The following NRDE2 variants were observed in gnomAD, a reference collection of about 807,000 sequenced individuals.
NRDE2 encodes the protein nuclear exosome regulator NRDE2.
A neutral mutation model predicts 124.2 loss-of-function variants in NRDE2; 76 were observed. That is an observed-to-expected ratio of 0.61 (90% CI 0.51 to 0.74). The LOEUF (loss-of-function observed/expected upper bound fraction) is 0.74. Ranked by LOEUF, NRDE2 falls within the 30% of genes least tolerant of loss-of-function variation. NRDE2 has a pLI of 0.00. For synonymous variants in NRDE2, 489 were observed against 528.1 expected (o/e 0.93, Z 1.01); for missense variants, 1,314 against 1,417.3 (o/e 0.93, Z 1.17).
chr14:90,305,415 T>C (rs998683268), intron 4 of NRDE2, among the ~76,000 whole-genome samples: 3 of 152,210 alleles, frequency 2.0e-5, no homozygotes, highest in African/African-American at 4.8e-5. Flanking sequence ...AGCAATTCTA[T>C]TCCTACATAT....
intron 13 of NRDE2, 138 bp from the exon 14 acceptor site, chr14:90,278,599 A>G: frequency 9.8e-7 from 1 of 1,024,248 alleles, no homozygotes; most frequent in South Asian, 1.6e-5. Flanking sequence ...CTTGGCTGAG[A>G]CTTTCTTAAC....
intron 1 of NRDE2, among the ~76,000 whole-genome samples, chr14:90,321,461 T>C (rs1885236209): frequency 6.8e-6 from 1 of 147,592 alleles, no homozygotes; most frequent in Non-Finnish European, 1.5e-5. Context: ...TCTATTATAC[T>C]AGCACTTTGG....
intron 8 of NRDE2, among the ~76,000 whole-genome samples, chr14:90,294,453 A>G (rs1332033175): frequency 2.0e-5 from 3 of 152,186 alleles, no homozygotes; most frequent in Non-Finnish European, 4.4e-5. Context: ...GGAAGCAACC[A>G]AAATGTGCAT....
At position 90,272,306 on chromosome 14, in the gene NRDE2, A is replaced by G. The variant is rs1891691862; in HGVS notation, c.*6030T>C. The G allele has an allele frequency of 6.2e-7, 1 of 1,604,076 alleles. No homozygotes were observed. On this transcript the variant is annotated 3_prime_UTR_variant, in exon 14 of 14. Transcript: ENST00000354366. This position sits in a 1 kb window ranked among gnomAD's most constrained non-coding sequence, Gnocchi z 4.5. Reference sequence around the variant, plus strand: ...TACAGAAGCTGGTCTGATGGCCTTAAGAGAACGTAGAATGAAAGTAACAAA... The same window carrying G: ...TACAGAAGCTGGTCTGATGGCCTTAGGAGAACGTAGAATGAAAGTAACAAA...
In NRDE2 at chr14:90,269,981, C is replaced by T. The variant is rs2236403; in HGVS notation, c.*8355G>A. 203,184 of 531,480 alleles carry T rather than the reference C, an allele frequency of 0.38. 40,413 individuals carry two copies. Among genetic ancestry groups the T allele is most frequent in the East Asian group, 0.52 (16,600 of 32,162 alleles). 32.9% of individuals were successfully genotyped at this position (531,480 alleles called of 1,614,324 possible). On this transcript the variant is annotated 3_prime_UTR_variant, in exon 14 of 14. Coordinates refer to ENST00000354366, the MANE Select transcript of NRDE2 (RefSeq NM_017970.4). ...CTCCTTTCATTTATTTCTGAAGGTA[C>T]CAAAGCAGAGAGAGTTTCTTTTAAA...
chr14:90,326,912 C>A (rs1885460786), intron 1 of NRDE2, among the ~76,000 whole-genome samples: 1 of 152,088 alleles, frequency 6.6e-6, no homozygotes, highest in Non-Finnish European at 1.5e-5. Context: ...TAGTATTAGT[C>A]ACATTAATAC....
At chr14:90,325,576 A>G (rs1001953754) in intron 1 of NRDE2, among the ~76,000 whole-genome samples, 3 of 152,120 alleles carry the variant, frequency 2.0e-5, no homozygotes, top group Non-Finnish European at 4.4e-5. Flanking sequence ...GCCAGGCTGG[A>G]GTGCAGTGGT....
intron 5 of NRDE2, 123 bp from the exon 6 acceptor site, chr14:90,303,248 T>C (rs922788401): frequency 9.1e-6 from 8 of 882,564 alleles, no homozygotes; most frequent in Non-Finnish European, 1.3e-5. Flanking sequence ...TTTGCCACTA[T>C]TTCTTTTAAA....
At chr14:90,306,804 G>A (rs1413477753) in intron 4 of NRDE2, among the ~76,000 whole-genome samples, 1 of 138,770 alleles carries the variant, frequency 7.2e-6, no homozygotes, top group Non-Finnish European at 1.6e-5. Flanking sequence ...AGTGAGACTT[G>A]GTCTCAAAAA....
chr14:90,302,899 T>G lies in NRDE2; in HGVS notation c.1232A>C (p.His411Pro). The change falls in exon 6 of 14, where the codon CAT (histidine) becomes CCT (proline). Residue 411 changes from histidine (H) to proline (P), a missense_variant. His to Pro is a moderately conservative substitution (Grantham distance 77). Transcript: ENST00000354366. ...VKEWQKLIFL[H>P]PNNTALWQKY... The stretch of plus-strand genomic sequence containing the variant: ...CTGCCAAAGGGCTGTATTATTGGGA[T>G]GCAAAAATATCAGTTTCTGCCACTC... 6.2e-7 allele frequency: 1 copy of G among 1,614,134 alleles called. No individual in the cohort carries two copies. The highest frequency in any genetic ancestry group is 2.2e-5 in the East Asian group (1 of 44,896).
At position 90,304,291 on chromosome 14, in the gene NRDE2, G is replaced by A. The variant is rs146561225; in HGVS notation, c.649C>T (p.Arg217Cys). Residue 217 changes from arginine (R) to cysteine (C), a missense_variant, in exon 5 of 14, where the codon CGC becomes TGC. Arg to Cys is a radical substitution (Grantham distance 180). Transcript: ENST00000354366. ...EGTSTEKKHS[R>C]KQVERYFTKK... is the part of the protein sequence containing the mutation. The stretch of plus-strand genomic sequence containing the variant: ...GTAAAATAGCGTTCAACCTGCTTGC[G>A]TGAATGCTTCTTCTCTGTGGAAGTC... 19 of 1,613,932 alleles carry A rather than the reference G, an allele frequency of 1.2e-5. No individual in the cohort carries two copies. Among genetic ancestry groups the A allele is most frequent in the African/African-American group, 1.1e-4 (8 of 74,918 alleles).
chr14:90,291,776 A>T (rs952180117), intron 9 of NRDE2, among the ~76,000 whole-genome samples: 1 of 152,132 alleles, frequency 6.6e-6, no homozygotes, highest in Non-Finnish European at 1.5e-5. Context: ...CGCTCCTGGC[A>T]CTCTGGGGCC....
rs1891613283 is a variant in NRDE2 at position 90,269,719 on chromosome 14, G to A, written c.*8617C>T. 4.7e-6 allele frequency: 3 copies of A among 631,732 alleles called. No homozygotes were observed. In the Admixed American group the frequency reaches 9.6e-5, roughly 20 times the overall value. The allele number at this position is 631,732 out of a possible 1,614,324, so 39.1% of individuals were successfully genotyped here. On this transcript the variant is annotated 3_prime_UTR_variant, in exon 14 of 14. Coordinates refer to ENST00000354366, the MANE Select transcript of NRDE2 (RefSeq NM_017970.4). ...TGAGATGAGGGTTAAAACAGAGCAT[G>A]ATATGGTCTGTGCACCTTGGCCCTT...
chr14:90,294,159 G>A (rs1272279421), intron 8 of NRDE2, among the ~76,000 whole-genome samples: 1 of 151,972 alleles, frequency 6.6e-6, no homozygotes, highest in Non-Finnish European at 1.5e-5. Flanking sequence ...AGGTATCTCA[G>A]GGAAGTTATG....
intron 1 of NRDE2, among the ~76,000 whole-genome samples, chr14:90,327,855 A>G (rs1455415839): frequency 1.3e-5 from 2 of 152,198 alleles, no homozygotes; most frequent in South Asian, 4.1e-4. Flanking sequence ...AAAATTAGCC[A>G]GGAGTAAGCT....
intron 1 of NRDE2, among the ~76,000 whole-genome samples, chr14:90,323,737 A>C (rs538573281): frequency 2.0e-5 from 3 of 152,298 alleles, no homozygotes; most frequent in Admixed American, 6.5e-5. Context: ...GGAATTCCAA[A>C]GGTATTATAT....
intron 5 of NRDE2, 48 bp from the exon 6 acceptor site, chr14:90,303,173 T>G: frequency 6.5e-7 from 1 of 1,538,360 alleles, no homozygotes. Context: ...ACCTGGGAGA[T>G]CCTGAGTTTC....
rs759177503 is a variant in NRDE2, at chr14:90,331,878, C to T, written c.27G>A (p.Gly9=). 27 of 1,614,046 alleles carry T rather than the reference C, an allele frequency of 1.7e-5. No individual in the cohort carries two copies. The highest frequency in any genetic ancestry group is 2.1e-5 in the Non-Finnish European group (25 of 1,180,052). MALFPAFA[G]LSEAPDGGSS... Reference sequence around the variant, plus strand: ...TCCCGCCATCGGGAGCCTCACTAAGCCCCGCAAAGGCTGGGAACAGCGCCA... The same window carrying T: ...TCCCGCCATCGGGAGCCTCACTAAGTCCCGCAAAGGCTGGGAACAGCGCCA... The change falls in exon 1 of 14, where the codon GGG becomes GGA. Residue 9 remains glycine, a synonymous_variant. Transcript: ENST00000354366.
rs998097410 is a variant in NRDE2 at position 90,273,641 on chromosome 14, A to G, written c.*4695T>C. 10 of 152,536 alleles carry G rather than the reference A, an allele frequency of 6.6e-5. No individual in the cohort carries two copies. Among genetic ancestry groups the G allele is most frequent in the African/African-American group, 9.6e-5 (4 of 41,476 alleles). The allele number at this position is 152,536 out of a possible 1,614,324, so 9.4% of individuals were successfully genotyped here. On this transcript the variant is annotated 3_prime_UTR_variant, in exon 14 of 14. Transcript: ENST00000354366. The stretch of plus-strand genomic sequence containing the variant: ...AGTCCAACACGAGTGTCTCCAGGCT[A>G]AAGTCTTGCTGTTGGCAGGACCGTT...
Sources: allele counts gnomAD v4.1 joint callset (sites outside exome capture counted in the v4.1 genomes callset), GRCh38; gene constraint gnomAD v4.1.1; non-coding constraint Gnocchi (gnomAD v3.1); transcripts MANE v1.5; gene names NCBI Gene and HGNC (gene_info 2026-07-23, HGNC 2026-07-21).